Variants in RAB3B observed in about 807,000 individuals in gnomAD.
RAB3B encodes the protein ras-related protein Rab-3B.
RAB3B carries 11 observed loss-of-function variants against 20.5 expected under a neutral mutation model. The observed-to-expected ratio is 0.54, with a 90% confidence interval of 0.34 to 0.89. The LOEUF (loss-of-function observed/expected upper bound fraction) is 0.89, where lower values mean the gene tolerates loss of function less well. Ranked by LOEUF, RAB3B falls within the 40% of genes least tolerant of loss-of-function variation. The probability of loss-of-function intolerance (pLI) is 0.02; values close to 1 mark genes in which losing one functional copy is unlikely to be tolerated. For synonymous variants in RAB3B, 99 were observed against 106.3 expected (o/e 0.93, Z 0.42); for missense variants, 225 against 280.9 (o/e 0.80, Z 1.42).
chr1:51,968,484 C>T (rs1460184968), intron 2 of RAB3B, among the ~76,000 whole-genome samples: 1 of 152,156 alleles, frequency 6.6e-6, no homozygotes, highest in African/African-American at 2.4e-5. Context: ...TCATTAATTC[C>T]TGGAGAGCAG....
Position 51,909,227 on chromosome 1 carries a change from G to C in RAB3B, c.*10700C>G, listed in dbSNP as rs1683964377. 6.6e-6 allele frequency: 1 copy of C among 151,778 alleles called. No homozygotes were observed. The highest frequency in any genetic ancestry group is 2.1e-4 in the South Asian group (1 of 4,826). The allele number at this position is 151,778 out of a possible 1,614,324, so 9.4% of individuals were successfully genotyped here. A position where few individuals can be genotyped will look rare whatever the true frequency, so the allele number is the denominator to read the frequency against. On this transcript the variant is annotated 3_prime_UTR_variant, in exon 5 of 5. Coordinates refer to ENST00000371655, the MANE Select transcript of RAB3B (RefSeq NM_002867.4). ...GGAGGGAAGGAGCTGAAAGAAGGAG[G>C]GGATCCTTGGAAAGGGCTCTGAGAG... is the stretch of plus-strand genomic sequence containing the variant.
chr1:51,961,460 G>A (rs1684783110), intron 2 of RAB3B, among the ~76,000 whole-genome samples: 1 of 152,102 alleles, frequency 6.6e-6, no homozygotes, highest in African/African-American at 2.4e-5. Context: ...AGGCAGTTTG[G>A]TGTGAAAAGA....
chr1:51,974,803 GAT>G (rs933563848), intron 2 of RAB3B, among the ~76,000 whole-genome samples: 2 of 152,218 alleles, frequency 1.3e-5, no homozygotes, highest in African/African-American at 4.8e-5. Context: ...TTAATTGTGA[GAT>G]AGTATATGGG....
At chr1:51,976,839 G>A in intron 2 of RAB3B, 51 bp downstream of exon 2, 1 of 1,531,252 alleles carries the variant, frequency 6.5e-7, no homozygotes, top group South Asian at 1.1e-5. Context: ...CCTTGTACTG[G>A]CAGGCCAGCC....
chr1:51,935,391 G>A (rs1684385402), intron 3 of RAB3B, among the ~76,000 whole-genome samples: 3 of 152,196 alleles, frequency 2.0e-5, no homozygotes, highest in South Asian at 2.1e-4. Context: ...AGGTAGGGGT[G>A]AGACTGAGAC....
intron 1 of RAB3B, among the ~76,000 whole-genome samples, chr1:51,983,182 C>T (rs1685109413): frequency 1.3e-5 from 2 of 151,874 alleles, no homozygotes; most frequent in East Asian, 1.9e-4. Flanking sequence ...GATGAAACTC[C>T]ATCCCTATTA....
chr1:51,969,540 C>A (rs1261395097), intron 2 of RAB3B, among the ~76,000 whole-genome samples: 2 of 152,154 alleles, frequency 1.3e-5, no homozygotes, highest in African/African-American at 2.4e-5. Flanking sequence ...TTTCTGACTC[C>A]AGAGTAAAGT....
chr1:51,963,722 G>T (rs955824058), intron 2 of RAB3B, among the ~76,000 whole-genome samples: 2 of 152,040 alleles, frequency 1.3e-5, no homozygotes, highest in Non-Finnish European at 2.9e-5. Context: ...GTACTTAAGA[G>T]AACTCGAACC....
chr1:51,964,712 CTT>C (rs1370988046), intron 2 of RAB3B, among the ~76,000 whole-genome samples: 4 of 152,160 alleles, frequency 2.6e-5, no homozygotes, highest in Non-Finnish European at 4.4e-5. Flanking sequence ...TTCTCTCCTT[CTT>C]TCTCTCTCCA....
At chr1:51,926,717 G>A (rs1392500524) in intron 4 of RAB3B, among the ~76,000 whole-genome samples, 3 of 152,162 alleles carry the variant, frequency 2.0e-5, no homozygotes, top group Non-Finnish European at 4.4e-5. Flanking sequence ...AAACACCATT[G>A]GATGATATGA....
At chr1:51,962,192 C>G (rs552945278) in intron 2 of RAB3B, among the ~76,000 whole-genome samples, 1 of 152,348 alleles carries the variant, frequency 6.6e-6, no homozygotes, top group South Asian at 2.1e-4. Context: ...GGGATAATAA[C>G]AGCACCTAGT....
Position 51,916,493 on chromosome 1 carries a change from C to T in RAB3B, c.*3434G>A, listed in dbSNP as rs1294950725. 5 of 152,206 alleles carry T rather than the reference C, an allele frequency of 3.3e-5. No homozygotes were observed. Among genetic ancestry groups the T allele is most frequent in the Non-Finnish European group, 5.9e-5 (4 of 68,046 alleles). The allele number at this position is 152,206 out of a possible 1,614,324, so 9.4% of individuals were successfully genotyped here. Reference sequence around the variant, plus strand: ...ATGACCAGAAAAAAATAGTAATTATCCATGACACTGTATACAATGTTACAG... The same window carrying T: ...ATGACCAGAAAAAAATAGTAATTATTCATGACACTGTATACAATGTTACAG... On this transcript the variant is annotated 3_prime_UTR_variant, in exon 5 of 5. Transcript: ENST00000371655.
chr1:51,985,548 G>A (rs1026244082), intron 1 of RAB3B, among the ~76,000 whole-genome samples: 6 of 152,128 alleles, frequency 3.9e-5, no homozygotes, highest in African/African-American at 1.4e-4. Context: ...CCTGGCTACT[G>A]GGCCCAGCTT....
chr1:51,972,891 G>GCTTC (rs1184268995), intron 2 of RAB3B, among the ~76,000 whole-genome samples: 1 of 152,082 alleles, frequency 6.6e-6, no homozygotes, highest in East Asian at 1.9e-4. Flanking sequence ...TTGCTTGCTT[G>GCTTC]CTTCCTTTCT....
Position 51,919,634 on chromosome 1 carries a change from G to C in RAB3B, c.*293C>G, listed in dbSNP as rs983372280. The C allele has an allele frequency of 1.0e-5, 3 of 290,242 alleles. No homozygotes were observed. The highest frequency in any genetic ancestry group is 6.5e-5 in the African/African-American group (3 of 46,500). 18.0% of individuals were successfully genotyped at this position (290,242 alleles called of 1,614,324 possible). A position where few individuals can be genotyped will look rare whatever the true frequency, so the allele number is the denominator to read the frequency against. On this transcript the variant is annotated 3_prime_UTR_variant, in exon 5 of 5. Coordinates refer to ENST00000371655, the MANE Select transcript of RAB3B (RefSeq NM_002867.4). Reference sequence around the variant, plus strand: ...ACTCTCATTTTAAAGGCAGAAAAGAGACTGTTCTCTAAGTCCCTGTAGTGA... The same window carrying C: ...ACTCTCATTTTAAAGGCAGAAAAGACACTGTTCTCTAAGTCCCTGTAGTGA...
intron 2 of RAB3B, among the ~76,000 whole-genome samples, chr1:51,954,943 G>A (rs888596734): frequency 6.6e-6 from 1 of 152,218 alleles, no homozygotes; most frequent in Non-Finnish European, 1.5e-5. Flanking sequence ...AAGGTGCTTG[G>A]ATGTCGTCCT....
chr1:51,943,209 T>C (rs1571965056), intron 2 of RAB3B, among the ~76,000 whole-genome samples: 1 of 151,940 alleles, frequency 6.6e-6, no homozygotes, highest in African/African-American at 2.4e-5. Context: ...CATGGCGAAA[T>C]CCTGTCTCTA....
intron 2 of RAB3B, among the ~76,000 whole-genome samples, chr1:51,947,173 A>C (rs1348627821): frequency 6.6e-6 from 1 of 152,172 alleles, no homozygotes; most frequent in Non-Finnish European, 1.5e-5. Context: ...AGGCAGACGG[A>C]TCATTTGAGC....
At chr1:51,975,649 G>A (rs1339572356) in intron 2 of RAB3B, among the ~76,000 whole-genome samples, 1 of 152,182 alleles carries the variant, frequency 6.6e-6, no homozygotes, top group Non-Finnish European at 1.5e-5. Context: ...AACGAAGTAA[G>A]GCCTTCTGCC....
Sources: gnomAD v4.1 joint callset for allele counts (sites outside exome capture counted in the v4.1 genomes callset) on GRCh38, gnomAD v4.1.1 for gene constraint, MANE v1.5 for transcripts, NCBI Gene and HGNC (gene_info 2026-07-23, HGNC 2026-07-21) for gene names.